SLIT3: variants seen among roughly 807,000 people sequenced by gnomAD.
SLIT3 encodes the protein slit guidance ligand 3.
In SLIT3, 68 loss-of-function variants were observed where a neutral mutation model predicts 184.0. The observed-to-expected ratio is 0.37, with a 90% confidence interval of 0.30 to 0.45. SLIT3 has a LOEUF of 0.45. Ranked by LOEUF, SLIT3 falls within the 20% of genes least tolerant of loss-of-function variation. SLIT3 has a pLI of 1.00. For missense variants in SLIT3, 1,707 were observed against 2,026.0 expected, an observed-to-expected ratio of 0.84 and a Z score of 3.02; for synonymous variants, 831 against 828.6, an observed-to-expected ratio of 1.00 and a Z score of -0.05.
At chr5:168,915,290 C>T (rs193013012) in intron 4 of SLIT3, among the ~76,000 whole-genome samples, 265 of 152,266 alleles carry the variant, frequency 1.7e-3, no homozygotes, top group African/African-American at 6.0e-3. Flanking sequence ...TCAATGAATG[C>T]TAAAACCTTG....
chr5:168,751,728 C>CT lies in SLIT3; in HGVS notation c.1973+1226dup, dbSNP rs373074911. 9.3e-3 allele frequency among the ~76,000 whole-genome samples: 1,333 copies of CT among 143,852 alleles called. 15 individuals carry two copies. Among genetic ancestry groups the CT allele is most frequent in the Admixed American group, 0.03 (438 of 14,512 alleles). 94.4% of individuals were successfully genotyped at this position (143,852 alleles called of 152,430 possible). A position where few individuals can be genotyped will look rare whatever the true frequency, so the allele number is the denominator to read the frequency against. ...ACCCACTGAAAGCAGCCAGTGACATCTTTTTTTTTTTTTTTTTGAGACGAA... is the reference window on the plus strand; with the variant it reads ...ACCCACTGAAAGCAGCCAGTGACATCTTTTTTTTTTTTTTTTTTGAGACGAA... On this transcript the variant is annotated intron_variant, in intron 18 of 35. Transcript: ENST00000519560.
rs747561141 is a variant in SLIT3 at position 168,754,051 on chromosome 5, T to C, written c.1686-44A>G. The C allele has an allele frequency of 1.0e-5, 16 of 1,524,466 alleles. No homozygotes were observed. The East Asian group carries it at 2.0e-4, about 19-fold the overall frequency. 94.4% of individuals were successfully genotyped at this position (1,524,466 alleles called of 1,614,324 possible). The stretch of plus-strand genomic sequence containing the variant: ...ATAGGGGAGAATCAAAAGGAGCAGA[T>C]GGTCTTGATGCCGGGAGGGGATGAC... On this transcript the variant is annotated intron_variant, in intron 16 of 35. Coordinates refer to ENST00000519560, the MANE Select transcript of SLIT3 (RefSeq NM_003062.4).
At chr5:169,265,880 A>G (rs1766379360) in intron 1 of SLIT3, among the ~76,000 whole-genome samples, 1 of 152,152 alleles carries the variant, frequency 6.6e-6, no homozygotes, top group Non-Finnish European at 1.5e-5. Context: ...ACCTGGTCAA[A>G]TCCACAGCTC....
intron 4 of SLIT3, among the ~76,000 whole-genome samples, chr5:169,049,743 C>T (rs986828083): frequency 3.9e-5 from 6 of 152,198 alleles, no homozygotes; most frequent in East Asian, 1.9e-4. Flanking sequence ...TTGGGGTTGA[C>T]GAATGATAGG....
intron 4 of SLIT3, among the ~76,000 whole-genome samples, chr5:169,184,705 A>G (rs901715906): frequency 1.3e-5 from 2 of 152,142 alleles, no homozygotes; most frequent in African/African-American, 4.8e-5. Flanking sequence ...CTTTCAAGAT[A>G]TTTGTTTCTA....
At chr5:169,273,365 G>A (rs980386542) in intron 1 of SLIT3, among the ~76,000 whole-genome samples, 1 of 152,208 alleles carries the variant, frequency 6.6e-6, no homozygotes. Context: ...GTACATTCAA[G>A]AGGCGTGCAT....
chr5:169,197,562 G>A (rs1318258356), intron 3 of SLIT3, among the ~76,000 whole-genome samples: 1 of 152,170 alleles, frequency 6.6e-6, no homozygotes, highest in Non-Finnish European at 1.5e-5. Flanking sequence ...GTACACTCAT[G>A]CCATCTGCTG....
At chr5:169,028,782 C>T (rs1005791548) in intron 4 of SLIT3, among the ~76,000 whole-genome samples, 2 of 152,048 alleles carry the variant, frequency 1.3e-5, no homozygotes, top group East Asian at 1.9e-4. Context: ...AGTATTTTTT[C>T]GACAATCACA....
chr5:168,872,222 C>T (rs116222197), intron 5 of SLIT3, among the ~76,000 whole-genome samples: 2,004 of 152,288 alleles, frequency 0.013, 19 homozygotes, highest in Non-Finnish European at 0.02. Context: ...ATTAAAAGCT[C>T]ACACTTGAGG....
intron 32 of SLIT3, among the ~76,000 whole-genome samples, chr5:168,675,222 G>A (rs1433910121): frequency 1.3e-5 from 2 of 152,126 alleles, no homozygotes; most frequent in Admixed American, 6.5e-5. Context: ...TACATATGGA[G>A]GCTTCCTCTC....
At chr5:168,833,623 G>A (rs1757950041) in intron 6 of SLIT3, among the ~76,000 whole-genome samples, 1 of 152,220 alleles carries the variant, frequency 6.6e-6, no homozygotes, top group Non-Finnish European at 1.5e-5. Flanking sequence ...CTAGCAAAAT[G>A]CTAGAGATTA....
chr5:168,768,403 C>T, intron 14 of SLIT3: 1 of 378,050 alleles, frequency 2.6e-6, no homozygotes, highest in Non-Finnish European at 5.1e-6. Context: ...AGATTGCAGC[C>T]CTGCTGCCCT....
chr5:169,103,337 T>C (rs1760086227), intron 4 of SLIT3, among the ~76,000 whole-genome samples: 1 of 152,236 alleles, frequency 6.6e-6, no homozygotes, highest in African/African-American at 2.4e-5. Context: ...AGGCTCCTTC[T>C]TCCAGGCAAT....
intron 12 of SLIT3, among the ~76,000 whole-genome samples, chr5:168,778,232 ACAGCACTATGATTATCTT>A (rs1453724610): frequency 6.6e-6 from 1 of 152,118 alleles, no homozygotes; most frequent in Non-Finnish European, 1.5e-5. Flanking sequence ...AACCCCCACA[ACAGCACTATGATTATCTT>A]CATTTTTCTG....
At chr5:169,123,801 A>G (rs1044160656) in intron 4 of SLIT3, among the ~76,000 whole-genome samples, 4 of 152,254 alleles carry the variant, frequency 2.6e-5, no homozygotes, top group African/African-American at 9.6e-5. Flanking sequence ...AGACTGGTCA[A>G]CAGCAAAAGT....
At chr5:169,228,472 T>C (rs1296067838) in intron 3 of SLIT3, among the ~76,000 whole-genome samples, 1 of 152,188 alleles carries the variant, frequency 6.6e-6, no homozygotes. Flanking sequence ...GGTGCCGTCA[T>C]CAGGGGCCTC....
intron 3 of SLIT3, among the ~76,000 whole-genome samples, chr5:169,212,323 G>A (rs1176647514): frequency 1.3e-5 from 2 of 152,226 alleles, no homozygotes; most frequent in African/African-American, 4.8e-5. Flanking sequence ...TAACTGGCAT[G>A]AGATGGTATC....
intron 4 of SLIT3, among the ~76,000 whole-genome samples, chr5:169,076,640 G>C (rs545977127): frequency 1.3e-5 from 2 of 152,254 alleles, no homozygotes; most frequent in East Asian, 3.9e-4. Flanking sequence ...AATTTGTCTT[G>C]AGAGCCTGAG....
At chr5:169,088,026 G>A (rs764461510) in intron 4 of SLIT3, among the ~76,000 whole-genome samples, 3 of 152,108 alleles carry the variant, frequency 2.0e-5, no homozygotes, top group Non-Finnish European at 4.4e-5. Flanking sequence ...TCCTTACTTC[G>A]AGAAATAGGC....
Sources: allele counts gnomAD v4.1 joint callset (sites outside exome capture counted in the v4.1 genomes callset), GRCh38; gene constraint gnomAD v4.1.1; transcripts MANE v1.5; gene names NCBI Gene and HGNC (gene_info 2026-07-23, HGNC 2026-07-21).